CEP104: variants seen among roughly 807,000 people sequenced by gnomAD.
CEP104 encodes the protein centrosomal protein of 104 kDa.
Under a neutral mutation model 113.3 loss-of-function variants are expected in CEP104, and 84 were observed. The ratio of observed to expected loss-of-function variants is 0.74; its 90% CI spans 0.62 to 0.89. The LOEUF is 0.89. CEP104 is among the 40% of genes least tolerant of loss of function. The probability of loss-of-function intolerance (pLI) is 0.00; values close to 1 mark genes in which losing one functional copy is unlikely to be tolerated. For synonymous variants in CEP104, 378 were observed against 421.7 expected, an observed-to-expected ratio of 0.90 and a Z score of 1.27; for missense variants, 1,053 against 1,156.6, an observed-to-expected ratio of 0.91 and a Z score of 1.30.
Position 3,823,173 on chromosome 1 carries a change from C to T in CEP104, c.2571+1G>A. 6.2e-7 allele frequency: 1 copy of T among 1,614,146 alleles called. No homozygotes were observed. Among genetic ancestry groups the T allele is most frequent in the Non-Finnish European group, 8.5e-7 (1 of 1,180,020 alleles). ...TGGTCCCTTCTCCCCAGGCCCCTCA[C>T]CTCTTCTCCAGGGCTGAAGTTCTCA... is the stretch of plus-strand genomic sequence containing the variant. On this transcript the variant is annotated splice_donor_variant, in intron 20 of 21. Transcript: ENST00000378230. LOFTEE classifies it high-confidence loss of function. This position sits in a 1 kb window ranked among gnomAD's most constrained non-coding sequence, Gnocchi z 4.1.
Position 3,833,851 on chromosome 1 carries a change from G to A in CEP104, c.1659+11C>T, listed in dbSNP as rs1225864553. ...CATCTACGGTTTCAAATGCCGTGGT[G>A]AAGTTCAGACCTGAATAAAATTTGC... is the stretch of plus-strand genomic sequence containing the variant. On this transcript the variant is annotated intron_variant, in intron 12 of 21. Coordinates refer to ENST00000378230, the MANE Select transcript of CEP104 (RefSeq NM_014704.4). 2 of 1,613,484 alleles carry A rather than the reference G, an allele frequency of 1.2e-6. No homozygotes were observed. Among genetic ancestry groups the A allele is most frequent in the Admixed American group, 3.3e-5 (2 of 59,952 alleles).
chr1:3,826,622 C>A (rs114208229), intron 16 of CEP104, 86 bp downstream of exon 16: 1 of 1,495,004 alleles, frequency 6.7e-7, no homozygotes, highest in Admixed American at 1.7e-5. Context: ...AGAAGCCGTT[C>A]CCACATGGAG....
At chr1:3,840,639 A>G (rs910320636) in intron 6 of CEP104, among the ~76,000 whole-genome samples, 1 of 152,088 alleles carries the variant, frequency 6.6e-6, no homozygotes, top group African/African-American at 2.4e-5. Context: ...CCTGGGTTCA[A>G]GCAATTCTCA....
At chr1:3,832,647 C>T (rs1277794058) in intron 12 of CEP104, among the ~76,000 whole-genome samples, 1 of 152,172 alleles carries the variant, frequency 6.6e-6, no homozygotes, top group Non-Finnish European at 1.5e-5. Context: ...TTAAATGAAA[C>T]TAGATCTGTG....
In CEP104 at chr1:3,819,173, T is replaced by C. The variant is rs181127641; in HGVS notation, c.2572-2803A>G. ...GTGCAATGAAGTGCTACTGATCTAT[T>C]AGAACCCGGGCGAACCTTGAAAACA... On this transcript the variant is annotated intron_variant, in intron 20 of 21. Coordinates refer to ENST00000378230, the MANE Select transcript of CEP104 (RefSeq NM_014704.4). This position sits in a 1 kb window ranked among gnomAD's most constrained non-coding sequence, Gnocchi z 4.6. 3.5e-4 allele frequency among the ~76,000 whole-genome samples: 53 copies of C among 152,292 alleles called. No homozygotes were observed. Among genetic ancestry groups the C allele is most frequent in the Middle Eastern group, 6.8e-3 (2 of 294 alleles).
rs754724148 is a variant in CEP104 at position 3,823,232 on chromosome 1, G to A, written c.2513C>T (p.Pro838Leu). The change falls in exon 20 of 22, where the codon CCG (proline) becomes CTG (leucine). Residue 838 changes from proline (P) to leucine (L), a missense_variant. Coordinates refer to ENST00000378230, the MANE Select transcript of CEP104 (RefSeq NM_014704.4). The surrounding 1 kb of genome is among the most constrained non-coding windows in gnomAD (Gnocchi z 4.1). ...GGGACACCGGTTTGCCAGCTTCTCCGGTTTGGCAGCTGAAATGATTTTAAA... is the reference window on the plus strand; with the variant it reads ...GGGACACCGGTTTGCCAGCTTCTCCAGTTTGGCAGCTGAAATGATTTTAAA... ...IKHKDCNPAK[P>L]EKLANRCPLC... 57 of 1,614,006 alleles carry A rather than the reference G, an allele frequency of 3.5e-5. No homozygotes were observed. Among genetic ancestry groups the A allele is most frequent in the Admixed American group, 1.5e-4 (9 of 60,004 alleles).
chr1:3,834,653 G>A (rs888940626), intron 11 of CEP104, among the ~76,000 whole-genome samples: 5 of 152,292 alleles, frequency 3.3e-5, no homozygotes, highest in South Asian at 2.1e-4. Flanking sequence ...CTCTACAAAC[G>A]CCTGGCTTTG....
In CEP104 at chr1:3,831,055, G is replaced by T. The variant is rs572314680; in HGVS notation, c.1827C>A (p.Asn609Lys). Residue 609 changes from asparagine (N) to lysine (K), a missense_variant, in exon 13 of 22, where the codon AAC becomes AAA. Transcript: ENST00000378230. ...GTGSSGFTIDNVMKFSVSALE... is the reference protein window; with the variant it reads ...GTGSSGFTIDKVMKFSVSALE... ...CGCGAGGTCTGCTTACCTTCATCAC[G>T]TTGTCAATGGTGAAGCCCGAGCTGC... 6.2e-7 allele frequency: 1 copy of T among 1,613,494 alleles called. No homozygotes were observed. The highest frequency in any genetic ancestry group is 1.1e-5 in the South Asian group (1 of 91,056).
At position 3,852,559 on chromosome 1, in the gene CEP104, G is replaced by T. The variant is rs941574928; in HGVS notation, c.-14-138C>A. 4 of 771,488 alleles carry T rather than the reference G, an allele frequency of 5.2e-6. No individual in the cohort carries two copies. The African/African-American group carries it at 5.3e-5, about 10-fold the overall frequency. The allele number at this position is 771,488 out of a possible 1,614,324, so 47.8% of individuals were successfully genotyped here. A position where few individuals can be genotyped will look rare whatever the true frequency, so the allele number is the denominator to read the frequency against. ...CAGAATTTTCCCATCTCTTTGAAAA[G>T]AGTCTATTTTTTTTTGTTAAACACT... is the stretch of plus-strand genomic sequence containing the variant. On this transcript the variant is annotated intron_variant, in intron 1 of 21. Coordinates refer to ENST00000378230, the MANE Select transcript of CEP104 (RefSeq NM_014704.4).
intron 12 of CEP104, chr1:3,833,636 T>A (rs1644257483): frequency 2.5e-6 from 1 of 405,546 alleles, no homozygotes; most frequent in South Asian, 7.9e-5. Flanking sequence ...TAATGGCATA[T>A]GTTGGATAAA....
intron 6 of CEP104, among the ~76,000 whole-genome samples, chr1:3,843,927 A>T (rs1312981253): frequency 6.6e-6 from 1 of 151,936 alleles, no homozygotes; most frequent in Non-Finnish European, 1.5e-5. Flanking sequence ...ACGCCTGGCT[A>T]ATTTTTGTAT....
chr1:3,823,242 C>A lies in CEP104; in HGVS notation c.2504-1G>T. ...TTTGCCAGCTTCTCCGGTTTGGCAGCTGAAATGATTTTAAAAAGACTCAGT... is the reference window on the plus strand; with the variant it reads ...TTTGCCAGCTTCTCCGGTTTGGCAGATGAAATGATTTTAAAAAGACTCAGT... On this transcript the variant is annotated splice_acceptor_variant, in intron 19 of 21. Transcript: ENST00000378230. LOFTEE classifies it high-confidence loss of function. This position sits in a 1 kb window ranked among gnomAD's most constrained non-coding sequence, Gnocchi z 4.1. The A allele has an allele frequency of 6.2e-7, 1 of 1,614,186 alleles. No homozygotes were observed. Among genetic ancestry groups the A allele is most frequent in the Non-Finnish European group, 8.5e-7 (1 of 1,180,024 alleles).
rs956878413 is a variant in CEP104, at chr1:3,837,402, C to A, written c.1009G>T (p.Ala337Ser). The change falls in exon 9 of 22, where the codon GCA becomes TCA. Residue 337 changes from alanine to serine, a missense_variant. Transcript: ENST00000378230. ...GGCTTTTCCTGAAGGAAAGGTTCTG[C>A]AAACTGGTTTTCTGTTCCTCTTTCT... ...LEERGTENQF[A>S]EPFLQEKPSS... is the part of the protein sequence containing the mutation. The A allele has an allele frequency of 1.2e-6, 2 of 1,614,178 alleles. No individual in the cohort carries two copies. Among genetic ancestry groups the A allele is most frequent in the African/African-American group, 1.3e-5 (1 of 75,054 alleles).
intron 3 of CEP104, among the ~76,000 whole-genome samples, chr1:3,847,881 C>A (rs1462580768): frequency 1.3e-5 from 2 of 152,096 alleles, no homozygotes; most frequent in Non-Finnish European, 2.9e-5. Context: ...GCTACCCAGG[C>A]TGGAGTGCAG....
At chr1:3,836,434 G>C (rs1009984698) in intron 10 of CEP104, 61 bp downstream of exon 10, 5 of 1,534,222 alleles carry the variant, frequency 3.3e-6, no homozygotes, top group Non-Finnish European at 3.5e-6. Context: ...AGAGGTGTGC[G>C]TACCATATAG....
At position 3,848,464 on chromosome 1, in the gene CEP104, A is replaced by G. The variant is rs555804031; in HGVS notation, c.287+144T>C. ...GGAGAATGGCGTGAACCCGGGAGGCAGAGGCTGCAGTGAGCTGAGATTGCA... is the reference window on the plus strand; with the variant it reads ...GGAGAATGGCGTGAACCCGGGAGGCGGAGGCTGCAGTGAGCTGAGATTGCA... On this transcript the variant is annotated intron_variant, in intron 3 of 21. Coordinates refer to ENST00000378230, the MANE Select transcript of CEP104 (RefSeq NM_014704.4). 1,139 of 629,720 alleles carry G rather than the reference A, an allele frequency of 1.8e-3. 10 individuals carry two copies. In the African/African-American group the frequency reaches 0.019, roughly 11 times the overall value. The allele number at this position is 629,720 out of a possible 1,614,324, so 39.0% of individuals were successfully genotyped here. A position where few individuals can be genotyped will look rare whatever the true frequency, so the allele number is the denominator to read the frequency against.
At chr1:3,847,443 C>A in intron 4 of CEP104, 32 bp downstream of exon 4, 1 of 1,541,694 alleles carries the variant, frequency 6.5e-7, no homozygotes, top group South Asian at 1.3e-5. Context: ...AAGGTAGGGG[C>A]AGAATCAAAG....
chr1:3,822,249 CAG>C (rs1643991366), intron 20 of CEP104, among the ~76,000 whole-genome samples: 1 of 151,102 alleles, frequency 6.6e-6, no homozygotes, highest in Admixed American at 6.6e-5. Flanking sequence ...GACAGAGGGA[CAG>C]ACAGACAGAG....
chr1:3,815,516 C>G lies in CEP104; in HGVS notation c.2664G>C (p.Gly888=), dbSNP rs1643867341. 6.3e-7 allele frequency: 1 copy of G among 1,592,228 alleles called. No individual in the cohort carries two copies. The highest frequency in any genetic ancestry group is 1.7e-5 in the Admixed American group (1 of 57,470). ...CTGATGCGGCCACAGCTGAGCTTTT[C>G]CCTGCAGAGCAAGCACAGGACCTGC... ...ILQKAPALQP[G]KSSAVAASGP... The change falls in exon 22 of 22, where the codon GGG becomes GGC. Residue 888 remains glycine (G), a splice_region_variant and synonymous_variant. Coordinates refer to ENST00000378230, the MANE Select transcript of CEP104 (RefSeq NM_014704.4).
Sources: allele counts gnomAD v4.1 joint callset (sites outside exome capture counted in the v4.1 genomes callset), GRCh38; gene constraint gnomAD v4.1.1; non-coding constraint Gnocchi (gnomAD v3.1); transcripts MANE v1.5; gene names NCBI Gene and HGNC (gene_info 2026-07-23, HGNC 2026-07-21).